The following ZNF423 variants were observed in gnomAD, a reference collection of about 807,000 sequenced individuals.
The protein encoded by ZNF423 is Ebf-associated zinc finger protein.
ZNF423 carries 12 observed loss-of-function variants against 95.8 expected under a neutral mutation model. The observed-to-expected ratio is 0.13, with a 90% CI of 0.08 to 0.20. The LOEUF (loss-of-function observed/expected upper bound fraction) is 0.20, where lower values mean the gene tolerates loss of function less well. Among genes scored for constraint, ZNF423 ranks in the 10% least tolerant of loss-of-function variants. ZNF423 has a pLI of 1.00. For missense variants in ZNF423, 1,316 were observed against 1,737.1 expected (o/e 0.76, Z 4.31); for synonymous variants, 749 against 711.9 (o/e 1.05, Z -0.83).
chr16:49,622,807 G>C (rs752114622), intron 5 of ZNF423, among the ~76,000 whole-genome samples: 3 of 152,250 alleles, frequency 2.0e-5, no homozygotes, highest in Non-Finnish European at 4.4e-5. Flanking sequence ...TGGGGAACTA[G>C]TGCCCATGTA....
intron 5 of ZNF423, among the ~76,000 whole-genome samples, chr16:49,542,533 G>A (rs1262260970): frequency 6.6e-6 from 1 of 152,228 alleles, no homozygotes; most frequent in Non-Finnish European, 1.5e-5. Flanking sequence ...GAATGTGCCT[G>A]CTGTGACACA....
chr16:49,576,446 C>A (rs1307241221), intron 5 of ZNF423, among the ~76,000 whole-genome samples: 1 of 152,184 alleles, frequency 6.6e-6, no homozygotes, highest in South Asian at 2.1e-4. Context: ...TGAGTGTTAG[C>A]CCCAATGCAA....
chr16:49,633,672 C>T (rs2151877440), intron 4 of ZNF423, among the ~76,000 whole-genome samples: 1 of 152,262 alleles, frequency 6.6e-6, no homozygotes, highest in East Asian at 1.9e-4. Context: ...GCACCTATGC[C>T]CCCCTAGAAA....
chr16:49,613,264 C>T (rs1971781472), intron 5 of ZNF423, among the ~76,000 whole-genome samples: 1 of 152,138 alleles, frequency 6.6e-6, no homozygotes. Context: ...TTATTCAATT[C>T]CAAAACTTAT....
chr16:49,678,294 T>TTTTTG lies in ZNF423; in HGVS notation c.302-39425_302-39421dup, dbSNP rs59840165. Among the ~76,000 whole-genome samples the TTTTTG allele has an allele frequency of 4.3e-3, 483 of 111,198 alleles. 3 individuals are homozygous for TTTTTG. Among genetic ancestry groups the TTTTTG allele is most frequent in the Middle Eastern group, 0.031 (6 of 196 alleles). The allele number at this position is 111,198 out of a possible 152,430, so 73.0% of individuals were successfully genotyped here. A position where few individuals can be genotyped will look rare whatever the true frequency, so the allele number is the denominator to read the frequency against. On this transcript the variant is annotated intron_variant, in intron 3 of 7. Coordinates refer to ENST00000563137, the MANE Select transcript of ZNF423 (RefSeq NM_001379286.1). ...TTAAGTTGTTTAGACAACTGTGAGG[T>TTTTTG]TTTTGTTTTGTTTTGTTTTGTTTTG...
intron 1 of ZNF423, among the ~76,000 whole-genome samples, chr16:49,818,894 AT>A (rs1212348965): frequency 1.3e-5 from 2 of 152,140 alleles, no homozygotes; most frequent in Admixed American, 1.3e-4. Context: ...CTCTAAAAAA[AT>A]AATAATAATA....
chr16:49,518,047 G>T (rs1448499549), intron 7 of ZNF423: 1 of 451,892 alleles, frequency 2.2e-6, no homozygotes, highest in African/African-American at 2.0e-5. Context: ...GATATTGGCG[G>T]CTCACAATCT....
At chr16:49,702,745 G>T (rs1332608256) in intron 3 of ZNF423, among the ~76,000 whole-genome samples, 2 of 152,260 alleles carry the variant, frequency 1.3e-5, no homozygotes, top group Non-Finnish European at 2.9e-5. Context: ...GGATGGAAAT[G>T]TATTCATGGC....
intron 1 of ZNF423, among the ~76,000 whole-genome samples, chr16:49,830,140 G>GGTC (rs1597047999): frequency 6.6e-6 from 1 of 152,274 alleles, no homozygotes; most frequent in East Asian, 1.9e-4. Context: ...TTGGGAGAAG[G>GGTC]GTCAGGGAAG....
upstream of ZNF423, among the ~76,000 whole-genome samples, chr16:49,858,426 G>A (rs1192002485): frequency 1.3e-5 from 2 of 151,936 alleles, no homozygotes; most frequent in African/African-American, 4.8e-5. The surrounding 1 kb of genome is among the most constrained non-coding windows in gnomAD (Gnocchi z 4.3). Context: ...CGAGCTGGAG[G>A]ATGCGGAGAG....
intron 5 of ZNF423, among the ~76,000 whole-genome samples, chr16:49,599,112 C>T (rs373702470): frequency 1.3e-5 from 2 of 152,332 alleles, no homozygotes; most frequent in Admixed American, 1.3e-4. Context: ...TAGACACACA[C>T]AGACATGCAC....
intron 5 of ZNF423, among the ~76,000 whole-genome samples, chr16:49,580,471 A>G (rs1391764595): frequency 6.6e-6 from 1 of 152,244 alleles, no homozygotes; most frequent in Non-Finnish European, 1.5e-5. Flanking sequence ...GAGCCCAGCA[A>G]AGCGCCTGAA....
intron 1 of ZNF423, among the ~76,000 whole-genome samples, chr16:49,843,989 C>T (rs1402751980): frequency 1.3e-5 from 2 of 152,072 alleles, no homozygotes; most frequent in African/African-American, 4.8e-5. Context: ...TTGAGTTGAA[C>T]ATTCTGTTTT....
At chr16:49,664,461 C>T (rs1330234904) in intron 3 of ZNF423, among the ~76,000 whole-genome samples, 13 of 152,222 alleles carry the variant, frequency 8.5e-5, no homozygotes, top group African/African-American at 2.7e-4. Flanking sequence ...ATCCAGGCCC[C>T]GGGGGCGACC....
intron 3 of ZNF423, chr16:49,664,272 GAGA>G (rs1442200730): frequency 2.0e-6 from 2 of 985,466 alleles, no homozygotes; most frequent in Non-Finnish European, 2.4e-6. Context: ...TGGGCCGGCG[GAGA>G]AGGATGGGCC....
intron 7 of ZNF423, among the ~76,000 whole-genome samples, chr16:49,512,772 G>A (rs1597026940): frequency 6.6e-6 from 1 of 152,294 alleles, no homozygotes; most frequent in East Asian, 1.9e-4. Flanking sequence ...TGTGGAAACT[G>A]AGCCCAGAGA....
chr16:49,722,679 AC>A (rs1947531317), intron 3 of ZNF423, among the ~76,000 whole-genome samples: 1 of 152,082 alleles, frequency 6.6e-6, no homozygotes, highest in African/African-American at 2.4e-5. Flanking sequence ...CACTTTTCTT[AC>A]TGCACACACC....
chr16:49,583,174 G>T (rs925065258), intron 5 of ZNF423, among the ~76,000 whole-genome samples: 2 of 152,204 alleles, frequency 1.3e-5, no homozygotes, highest in Non-Finnish European at 2.9e-5. Flanking sequence ...GAACCTTCCT[G>T]GACTGATGGG....
chr16:49,744,513 C>T (rs77155578), intron 2 of ZNF423, among the ~76,000 whole-genome samples: 2,071 of 150,426 alleles, frequency 0.014, 51 homozygotes, highest in African/African-American at 0.048. Flanking sequence ...GGTGTCCCCA[C>T]GCTCAGCACA....
Sources: allele counts gnomAD v4.1 joint callset (sites outside exome capture counted in the v4.1 genomes callset), GRCh38; gene constraint gnomAD v4.1.1; non-coding constraint Gnocchi (gnomAD v3.1); transcripts MANE v1.5; gene names NCBI Gene and HGNC (gene_info 2026-07-23, HGNC 2026-07-21).